The following XYLT1 variants were observed in gnomAD, a reference collection of about 807,000 sequenced individuals.
XYLT1 encodes the protein beta-D-xylosyltransferase 1.
Under a neutral mutation model 91.3 loss-of-function variants are expected in XYLT1, and 36 were observed. The observed-to-expected ratio is 0.39, with a 90% CI of 0.30 to 0.52. XYLT1 has a LOEUF of 0.52. Ranked by LOEUF, XYLT1 falls within the 20% of genes least tolerant of loss-of-function variation. XYLT1 has a pLI of 0.68. For synonymous variants in XYLT1, 588 were observed against 532.0 expected (o/e 1.11, Z -1.45); for missense variants, 1,242 against 1,284.5 (o/e 0.97, Z 0.51).
intron 2 of XYLT1, among the ~76,000 whole-genome samples, chr16:17,338,720 G>C (rs1011823421): frequency 6.6e-6 from 1 of 152,112 alleles, no homozygotes; most frequent in African/African-American, 2.4e-5. Context: ...AAGTAGCTGG[G>C]ACTACAGGTG....
chr16:17,420,918 T>C (rs1455329291), intron 1 of XYLT1, among the ~76,000 whole-genome samples: 4 of 152,192 alleles, frequency 2.6e-5, no homozygotes, highest in African/African-American at 4.8e-5. Flanking sequence ...AATGCTTGGA[T>C]GGGAGATGAG....
chr16:17,288,486 C>A (rs2034174113), intron 2 of XYLT1, among the ~76,000 whole-genome samples: 1 of 152,092 alleles, frequency 6.6e-6, no homozygotes, highest in South Asian at 2.1e-4. Context: ...TTATTGTAGA[C>A]CGACTGTACT....
chr16:17,376,775 C>A (rs755311526), intron 1 of XYLT1, among the ~76,000 whole-genome samples: 2 of 137,254 alleles, frequency 1.5e-5, no homozygotes, highest in African/African-American at 5.8e-5. Context: ...TGCAGTGAGC[C>A]GAGATTGTGC....
chr16:17,212,318 T>A lies in XYLT1; in HGVS notation c.914-11664A>T, dbSNP rs190107317. On this transcript the variant is annotated intron_variant, in intron 3 of 11. Transcript: ENST00000261381. ...TGAACATCTTTTTTTTAGAAAAACATCTTCATGCCTCGGCCCCACCCCAAT... is the reference window on the plus strand; with the variant it reads ...TGAACATCTTTTTTTTAGAAAAACAACTTCATGCCTCGGCCCCACCCCAAT... 3.9e-5 allele frequency among the ~76,000 whole-genome samples: 6 copies of A among 152,228 alleles called. No homozygotes were observed. The East Asian group carries it at 1.2e-3, about 29-fold the overall frequency.
chr16:17,434,391 G>A (rs13334441), intron 1 of XYLT1, among the ~76,000 whole-genome samples: 8,533 of 152,288 alleles, frequency 0.056, 329 homozygotes, highest in African/African-American at 0.097. Flanking sequence ...GAGAAAGTCT[G>A]TTATCCACAC....
intron 5 of XYLT1, among the ~76,000 whole-genome samples, chr16:17,189,338 C>T (rs746665865): frequency 6.6e-5 from 10 of 152,284 alleles, no homozygotes; most frequent in South Asian, 4.1e-4. Context: ...AGAGAAGATC[C>T]GGTGTGAATG....
intron 2 of XYLT1, among the ~76,000 whole-genome samples, chr16:17,271,522 T>A (rs2033893901): frequency 6.6e-6 from 1 of 152,184 alleles, no homozygotes; most frequent in Admixed American, 6.5e-5. Context: ...GCTTTAATAA[T>A]AAAGCCTTCT....
intron 3 of XYLT1, among the ~76,000 whole-genome samples, chr16:17,219,898 G>A (rs541085606): frequency 1.3e-5 from 2 of 152,182 alleles, no homozygotes; most frequent in African/African-American, 4.8e-5. Flanking sequence ...GGGCGTGGTG[G>A]TGCATGCCTG....
chr16:17,183,390 G>C (rs1308839757), intron 5 of XYLT1, among the ~76,000 whole-genome samples: 2 of 152,280 alleles, frequency 1.3e-5, no homozygotes, highest in East Asian at 3.9e-4. Context: ...AAATGAGTGA[G>C]AGAGCTTTAC....
intron 2 of XYLT1, among the ~76,000 whole-genome samples, chr16:17,296,448 T>A (rs1390654187): frequency 6.6e-6 from 1 of 152,090 alleles, no homozygotes; most frequent in Non-Finnish European, 1.5e-5. Flanking sequence ...TGTGGGTGAT[T>A]AAAGCAGAGG....
At chr16:17,154,914 C>G (rs576512602) in intron 6 of XYLT1, among the ~76,000 whole-genome samples, 5 of 152,354 alleles carry the variant, frequency 3.3e-5, no homozygotes, top group South Asian at 2.1e-4. Context: ...TGCCTTTGTT[C>G]ATCCCCATCT....
intron 3 of XYLT1, among the ~76,000 whole-genome samples, chr16:17,254,982 CTT>C (rs1208712230): frequency 6.9e-6 from 1 of 145,428 alleles, no homozygotes; most frequent in African/African-American, 2.6e-5. Flanking sequence ...TTTCTTTTTC[CTT>C]TTTTTCTTTT....
chr16:17,213,873 T>C (rs1156734161), intron 3 of XYLT1, among the ~76,000 whole-genome samples: 1 of 152,134 alleles, frequency 6.6e-6, no homozygotes, highest in African/African-American at 2.4e-5. Context: ...CGCCTCAGCC[T>C]CCCAAAGTGC....
intron 1 of XYLT1, among the ~76,000 whole-genome samples, chr16:17,407,058 G>A (rs1300490008): frequency 6.6e-6 from 1 of 152,162 alleles, no homozygotes; most frequent in Admixed American, 6.5e-5. Context: ...CTGGAATGCA[G>A]TGACGCAATC....
chr16:17,295,104 T>A (rs550896912), intron 2 of XYLT1, among the ~76,000 whole-genome samples: 10 of 152,102 alleles, frequency 6.6e-5, no homozygotes, highest in African/African-American at 2.2e-4. Context: ...AAAGGTGAGG[T>A]ATAAGCAAAG....
At chr16:17,400,522 G>T (rs746020774) in intron 1 of XYLT1, among the ~76,000 whole-genome samples, 1 of 151,572 alleles carries the variant, frequency 6.6e-6, no homozygotes, top group African/African-American at 2.4e-5. Flanking sequence ...CCTGGGAGGC[G>T]GAGGTTACAG....
chr16:17,407,839 T>G (rs543893572), intron 1 of XYLT1, among the ~76,000 whole-genome samples: 1 of 152,364 alleles, frequency 6.6e-6, no homozygotes, highest in Non-Finnish European at 1.5e-5. Flanking sequence ...TGGGGTCTAA[T>G]GGGAGGTGTT....
intron 3 of XYLT1, among the ~76,000 whole-genome samples, chr16:17,248,725 T>C (rs1032777935): frequency 2.0e-5 from 3 of 151,372 alleles, no homozygotes; most frequent in Non-Finnish European, 4.4e-5. Flanking sequence ...CCAGAATTGC[T>C]GTTGCAATTT....
intron 3 of XYLT1, among the ~76,000 whole-genome samples, chr16:17,221,829 G>C (rs139666850): frequency 6.6e-6 from 1 of 152,124 alleles, no homozygotes; most frequent in Non-Finnish European, 1.5e-5. Context: ...CTAAAATCCA[G>C]TATGAGCCAG....
Sources: allele counts gnomAD v4.1 joint callset (sites outside exome capture counted in the v4.1 genomes callset), GRCh38; gene constraint gnomAD v4.1.1; transcripts MANE v1.5; gene names NCBI Gene and HGNC (gene_info 2026-07-23, HGNC 2026-07-21).